The following DMD variants were observed in gnomAD, a reference collection of about 807,000 sequenced individuals.
DMD encodes the protein mutant dystrophin.
Under a neutral mutation model 330.1 loss-of-function variants are expected in DMD, and 63 were observed. That is an observed-to-expected ratio of 0.19 (90% CI 0.16 to 0.24). The LOEUF (loss-of-function observed/expected upper bound fraction) is 0.24, where lower values mean the gene tolerates loss of function less well. Among genes scored for constraint, DMD ranks in the 10% least tolerant of loss-of-function variants. The probability of loss-of-function intolerance (pLI) is 1.00; values close to 1 mark genes in which losing one functional copy is unlikely to be tolerated. For missense variants in DMD, 3,344 were observed against 2,684.1 expected (o/e 1.25, Z -5.43); for synonymous variants, 1,223 against 959.8 (o/e 1.27, Z -5.07).
chrX:31,218,038 T>C (rs981445307), intron 64 of DMD, among the ~76,000 whole-genome samples: 1 of 111,450 alleles, frequency 9.0e-6, no homozygotes, highest in Admixed American at 9.5e-5. Flanking sequence ...ATTATGAAAT[T>C]CCCCCATTTT....
chrX:33,009,095 TATATATGTATATATATGTGTATATATAC>T (rs2093491805), intron 2 of DMD, among the ~76,000 whole-genome samples: 1 of 16,873 alleles, frequency 5.9e-5, no homozygotes, highest in South Asian at 3.5e-3. Context: ...TATATATACG[TATATATGTATATATATGTGTATATATAC>T]GTATATATGT....
chrX:31,736,158 A>G (rs1211462575), intron 51 of DMD, among the ~76,000 whole-genome samples: 1 of 111,824 alleles, frequency 8.9e-6, no homozygotes, highest in Non-Finnish European at 1.9e-5. Flanking sequence ...ACACATTTAA[A>G]CACAAATTAA....
chrX:32,648,965 T>C lies in DMD; in HGVS notation c.961-3813A>G, dbSNP rs2059953750. On this transcript the variant is annotated intron_variant, in intron 9 of 78. Coordinates refer to ENST00000357033, the MANE Select transcript of DMD (RefSeq NM_004006.3). ...ACCCCAATCGTTTCATGAATGAAGA[T>C]GCCAGTATCATCAACTGGAACTAAT... Among the ~76,000 whole-genome samples the C allele has an allele frequency of 2.7e-5, 3 of 111,833 alleles. No homozygotes were observed. In the South Asian group the frequency reaches 1.1e-3, roughly 42 times the overall value.
chrX:31,495,161 T>G (rs980833345), intron 57 of DMD, among the ~76,000 whole-genome samples: 1 of 109,390 alleles, frequency 9.1e-6, no homozygotes, highest in Non-Finnish European at 1.9e-5. Context: ...TTTTTTTTTT[T>G]GCAAAGATCC....
intron 12 of DMD, among the ~76,000 whole-genome samples, chrX:32,603,347 G>T (rs1032104413): frequency 9.0e-6 from 1 of 110,724 alleles, no homozygotes; most frequent in African/African-American, 3.3e-5. Flanking sequence ...TCCACCTCTG[G>T]GATACAGCAA....
intron 1 of DMD, among the ~76,000 whole-genome samples, chrX:33,125,081 A>T (rs1426929585): frequency 1.8e-5 from 2 of 108,687 alleles, no homozygotes; most frequent in Non-Finnish European, 3.8e-5. Context: ...ACCATAAATT[A>T]ATGTCATAAA....
At chrX:31,597,562 CTT>C (rs1243114059) in intron 55 of DMD, among the ~76,000 whole-genome samples, 5 of 111,801 alleles carry the variant, frequency 4.5e-5, no homozygotes, top group African/African-American at 1.6e-4. Flanking sequence ...CTCTCTGCTT[CTT>C]ACTTAATAAG....
At chrX:33,321,386 C>T (rs2054012606) in intron 1 of DMD, among the ~76,000 whole-genome samples, 2 of 110,139 alleles carry the variant, frequency 1.8e-5, no homozygotes, top group Non-Finnish European at 3.8e-5. Flanking sequence ...CAAATGAGCT[C>T]TTGGATGACC....
chrX:31,987,997 T>A (rs928921803), intron 44 of DMD, among the ~76,000 whole-genome samples: 1 of 112,008 alleles, frequency 8.9e-6, no homozygotes, highest in African/African-American at 3.3e-5. Context: ...TGGGATATTA[T>A]TGAGTCATAT....
chrX:31,836,683 G>T (rs1195847949), intron 49 of DMD, 35 bp downstream of exon 49: 3 of 1,029,553 alleles, frequency 2.9e-6, no homozygotes, highest in Non-Finnish European at 1.4e-6. Flanking sequence ...AACCCATTAT[G>T]AGGTAATGGA....
chrX:31,483,106 G>C (rs1483822728), intron 57 of DMD, among the ~76,000 whole-genome samples: 1 of 102,190 alleles, frequency 9.8e-6, no homozygotes, highest in Non-Finnish European at 2.0e-5. Context: ...GAGTGCAGTG[G>C]CGCAATCTCG....
At chrX:32,778,071 A>G (rs920962405) in intron 7 of DMD, among the ~76,000 whole-genome samples, 4 of 111,729 alleles carry the variant, frequency 3.6e-5, no homozygotes, top group African/African-American at 6.5e-5. Context: ...TTCAACATAG[A>G]TTTGTCAGTT....
chrX:33,026,271 T>C (rs2093996252), intron 1 of DMD, among the ~76,000 whole-genome samples: 1 of 83,349 alleles, frequency 1.2e-5, no homozygotes, highest in African/African-American at 4.8e-5. Context: ...GCCAAGATCG[T>C]GCCACTGCGC....
At chrX:32,232,121 A>G (rs1184091956) in intron 43 of DMD, among the ~76,000 whole-genome samples, 2 of 111,834 alleles carry the variant, frequency 1.8e-5, no homozygotes, top group African/African-American at 3.2e-5. Flanking sequence ...AACTAGAAAT[A>G]GCAAGGAAAA....
intron 1 of DMD, among the ~76,000 whole-genome samples, chrX:33,233,233 C>G (rs780751201): frequency 9.0e-6 from 1 of 111,285 alleles, no homozygotes; most frequent in Non-Finnish European, 1.9e-5. Context: ...TAAAAATAAA[C>G]GACAACATCA....
At chrX:32,689,183 T>C (rs2063094762) in intron 9 of DMD, among the ~76,000 whole-genome samples, 1 of 111,376 alleles carries the variant, frequency 9.0e-6, no homozygotes, top group Non-Finnish European at 1.9e-5. Context: ...AATAACTTTT[T>C]GTTTTTAAGT....
intron 4 of DMD, among the ~76,000 whole-genome samples, chrX:32,835,004 T>G (rs1424343531): frequency 9.0e-6 from 1 of 111,353 alleles, no homozygotes; most frequent in Non-Finnish European, 1.9e-5. Context: ...CAGTTAAATC[T>G]CTATCAAATT....
chrX:32,245,896 T>G (rs1411466779), intron 43 of DMD, among the ~76,000 whole-genome samples: 8 of 101,889 alleles, frequency 7.9e-5, no homozygotes, highest in Non-Finnish European at 1.6e-4. Context: ...TAAACAATCA[T>G]GTCGTCTGCA....
In DMD at chrX:32,617,290, T is replaced by C. The variant is rs774699178; in HGVS notation, c.1332-2837A>G. The stretch of plus-strand genomic sequence containing the variant: ...TGGTTCTTTGGAAGGATGTTTTTTA[T>C]TTCCCACTAAGGTCAAAGTACGCAA... On this transcript the variant is annotated intron_variant, in intron 11 of 78. Coordinates refer to ENST00000357033, the MANE Select transcript of DMD (RefSeq NM_004006.3). 3.6e-5 allele frequency among the ~76,000 whole-genome samples: 4 copies of C among 111,661 alleles called. No individual in the cohort carries two copies. In the Admixed American group the frequency reaches 3.8e-4, roughly 11 times the overall value.
Sources: gnomAD v4.1 joint callset for allele counts (sites outside exome capture counted in the v4.1 genomes callset) on GRCh38, gnomAD v4.1.1 for gene constraint, MANE v1.5 for transcripts, NCBI Gene and HGNC (gene_info 2026-07-23, HGNC 2026-07-21) for gene names.